STIMATE: variants seen among roughly 807,000 people sequenced by gnomAD.
STIMATE encodes the protein STIM activating enhancer, also known as store-operated calcium entry regulator STIMATE.
Under a neutral mutation model 36.7 loss-of-function variants are expected in STIMATE, and 15 were observed. The ratio of observed to expected loss-of-function variants is 0.41; its 90% confidence interval spans 0.27 to 0.63. The LOEUF is 0.63. Ranked by LOEUF, STIMATE falls within the 20% of genes least tolerant of loss-of-function variation. The probability of loss-of-function intolerance (pLI) is 0.32; values close to 1 mark genes in which losing one functional copy is unlikely to be tolerated. For missense variants in STIMATE, 305 were observed against 397.3 expected, an observed-to-expected ratio of 0.77 and a Z score of 1.98; for synonymous variants, 163 against 162.3, an observed-to-expected ratio of 1.00 and a Z score of -0.03.
intron 1 of STIMATE, among the ~76,000 whole-genome samples, chr3:52,881,520 AG>A (rs905416978): frequency 3.9e-5 from 6 of 151,940 alleles, no homozygotes; most frequent in African/African-American, 1.2e-4. Flanking sequence ...CTGGCTAACA[AG>A]GTGAAACCCC....
Position 52,836,830 on chromosome 3 carries a change from T to C in STIMATE, c.*3664A>G, listed in dbSNP as rs1457117419. The C allele has an allele frequency of 3.5e-6, 1 of 283,426 alleles. No homozygotes were observed. The highest frequency in any genetic ancestry group is 7.2e-6 in the Non-Finnish European group (1 of 138,888). The allele number at this position is 283,426 out of a possible 1,614,324, so 17.6% of individuals were successfully genotyped here. On this transcript the variant is annotated 3_prime_UTR_variant, in exon 8 of 8. Transcript: ENST00000355083. ...CTTCTCTTTCATTTCAAAAAAACGT[T>C]TCCATGAATCCTACCACCACCGATT...
intron 6 of STIMATE, chr3:52,843,273 A>C: frequency 2.4e-6 from 1 of 422,842 alleles, no homozygotes; most frequent in East Asian, 4.6e-5. Context: ...GCCCCTCCCC[A>C]CAGACTCCAT....
intron 1 of STIMATE, among the ~76,000 whole-genome samples, chr3:52,875,287 T>G (rs1701484130): frequency 6.6e-6 from 1 of 152,238 alleles, no homozygotes; most frequent in Non-Finnish European, 1.5e-5. Context: ...TGACCTTCAC[T>G]GCAACCTTGT....
intron 1 of STIMATE, among the ~76,000 whole-genome samples, chr3:52,864,489 A>T (rs1181447395): frequency 6.6e-6 from 1 of 152,020 alleles, no homozygotes; most frequent in Non-Finnish European, 1.5e-5. Context: ...TGCTGTGAAG[A>T]CCTCTGACAT....
chr3:52,844,338 G>A (rs1228001894), intron 5 of STIMATE, among the ~76,000 whole-genome samples: 3 of 152,196 alleles, frequency 2.0e-5, no homozygotes, highest in Non-Finnish European at 4.4e-5. Flanking sequence ...GTGGGCATTC[G>A]GGGATGAGGA....
rs1362727553 is a variant in STIMATE at position 52,838,662 on chromosome 3, C to T, written c.*1832G>A. 1.3e-5 allele frequency: 2 copies of T among 152,234 alleles called. No homozygotes were observed. The highest frequency in any genetic ancestry group is 2.1e-4 in the South Asian group (1 of 4,826). The allele number at this position is 152,234 out of a possible 1,614,324, so 9.4% of individuals were successfully genotyped here. On this transcript the variant is annotated 3_prime_UTR_variant, in exon 8 of 8. Transcript: ENST00000355083. ...CCTACTGTAGTTACAGTCCCTGCTC[C>T]TCTCAGCACCCTGGCTCTGCACTCC...
intron 1 of STIMATE, among the ~76,000 whole-genome samples, chr3:52,863,736 G>C (rs1701256053): frequency 6.6e-6 from 1 of 152,190 alleles, no homozygotes; most frequent in African/African-American, 2.4e-5. Context: ...AGATACAACA[G>C]GAGTACAGGT....
chr3:52,878,612 T>C (rs1303812315), intron 1 of STIMATE, among the ~76,000 whole-genome samples: 1 of 151,884 alleles, frequency 6.6e-6, no homozygotes, highest in African/African-American at 2.4e-5. Flanking sequence ...TCCCTTTGGA[T>C]GACAAAGACT....
chr3:52,891,062 A>G (rs1283892913), intron 1 of STIMATE, among the ~76,000 whole-genome samples: 1 of 142,594 alleles, frequency 7.0e-6, no homozygotes, highest in African/African-American at 2.6e-5. Flanking sequence ...CAACAGTCAA[A>G]AAACAATAAT....
Position 52,836,736 on chromosome 3 carries a change from C to CT in STIMATE, c.*3757dup. On this transcript the variant is annotated 3_prime_UTR_variant, in exon 8 of 8. Coordinates refer to ENST00000355083, the MANE Select transcript of STIMATE (RefSeq NM_198563.5). ...ACCACAACCACAAATGTGATGGTTT[C>CT]TTTTTAAAAAAAACTGTAATAAGAT... The CT allele has an allele frequency of 2.7e-6, 1 of 375,422 alleles. No individual in the cohort carries two copies. The highest frequency in any genetic ancestry group is 5.4e-6 in the Non-Finnish European group (1 of 184,560). 23.3% of individuals were successfully genotyped at this position (375,422 alleles called of 1,614,324 possible). A position where few individuals can be genotyped will look rare whatever the true frequency, so the allele number is the denominator to read the frequency against.
Position 52,855,462 on chromosome 3 carries a change from C to T in STIMATE, c.161-18G>A. The T allele has an allele frequency of 1.9e-6, 3 of 1,614,016 alleles. No homozygotes were observed. Among genetic ancestry groups the T allele is most frequent in the South Asian group, 1.1e-5 (1 of 91,058 alleles). On this transcript the variant is annotated intron_variant, in intron 1 of 7. Transcript: ENST00000355083. Reference sequence around the variant, plus strand: ...GCGTTTGACTGAAAGAAAAGACAGACATCAGTAGTTTTCCAAAGAAGTTAC... The same window carrying T: ...GCGTTTGACTGAAAGAAAAGACAGATATCAGTAGTTTTCCAAAGAAGTTAC...
chr3:52,865,768 C>A (rs2106693778), intron 1 of STIMATE, among the ~76,000 whole-genome samples: 1 of 152,320 alleles, frequency 6.6e-6, no homozygotes, highest in South Asian at 2.1e-4. Flanking sequence ...TGAAAAGTCT[C>A]CCTTCTGGCT....
At chr3:52,888,146 C>G (rs1282072530) in intron 1 of STIMATE, among the ~76,000 whole-genome samples, 2 of 152,022 alleles carry the variant, frequency 1.3e-5, no homozygotes, top group Non-Finnish European at 2.9e-5. Context: ...TGTCCCTCAT[C>G]TCCAGCCTCT....
intron 3 of STIMATE, 126 bp from the exon 4 acceptor site, chr3:52,850,039 G>A (rs768268325): frequency 3.0e-5 from 43 of 1,419,038 alleles, no homozygotes; most frequent in Non-Finnish European, 3.7e-5. Context: ...TGGGGGCTGG[G>A]AGCCCTCATG....
chr3:52,854,026 A>T (rs1701051965), intron 2 of STIMATE, among the ~76,000 whole-genome samples: 1 of 152,234 alleles, frequency 6.6e-6, no homozygotes, highest in Non-Finnish European at 1.5e-5. Flanking sequence ...TGACTGCAGG[A>T]TCATAATCTG....
At chr3:52,841,042 G>A (rs1019014360) in intron 7 of STIMATE, among the ~76,000 whole-genome samples, 16 of 152,142 alleles carry the variant, frequency 1.1e-4, no homozygotes, top group African/African-American at 3.9e-4. Flanking sequence ...GTGAGGGGAA[G>A]CTCCCTGTAC....
intron 1 of STIMATE, among the ~76,000 whole-genome samples, chr3:52,890,251 G>A (rs1456383052): frequency 1.3e-5 from 2 of 152,220 alleles, no homozygotes; most frequent in African/African-American, 4.8e-5. Flanking sequence ...CTTCGTCAAG[G>A]AAACATCCAA....
chr3:52,850,994 G>A (rs1343301401), intron 3 of STIMATE, among the ~76,000 whole-genome samples: 1 of 152,202 alleles, frequency 6.6e-6, no homozygotes, highest in Non-Finnish European at 1.5e-5. Context: ...CTCCCAAAGT[G>A]TTGGGATTAC....
chr3:52,849,841 G>A lies in STIMATE; in HGVS notation c.378C>T (p.Ser126=), dbSNP rs767217107. Residue 126 remains serine (S), a synonymous_variant, in exon 4 of 8, where the codon AGC becomes AGT. Coordinates refer to ENST00000355083, the MANE Select transcript of STIMATE (RefSeq NM_198563.5). ...CCCACTGCTGCCACTCTACCAGGAC[G>A]CTGACGGCGCGCACCCCCACGTAGA... ...LLIYVGVRAV[S]VLVEWQQWES... 1.7e-5 allele frequency: 27 copies of A among 1,613,674 alleles called. No individual in the cohort carries two copies. Among genetic ancestry groups the A allele is most frequent in the Middle Eastern group, 1.6e-4 (1 of 6,084 alleles).
Sources: allele counts gnomAD v4.1 joint callset (sites outside exome capture counted in the v4.1 genomes callset), GRCh38; gene constraint gnomAD v4.1.1; transcripts MANE v1.5; gene names NCBI Gene and HGNC (gene_info 2026-07-23, HGNC 2026-07-21).